CTBP2: variants seen among roughly 807,000 people sequenced by gnomAD.
The protein encoded by CTBP2 is C-terminal binding protein 2.
CTBP2 carries 30 observed loss-of-function variants against 80.3 expected under a neutral mutation model. The observed-to-expected ratio is 0.37, with a 90% CI of 0.28 to 0.51. The LOEUF (loss-of-function observed/expected upper bound fraction) is 0.51. CTBP2 is among the 20% of genes least tolerant of loss of function. The pLI is 0.93. For missense variants in CTBP2, 1,212 were observed against 1,375.3 expected (o/e 0.88, Z 1.88); for synonymous variants, 594 against 587.4 (o/e 1.01, Z -0.16).
At position 125,026,905 on chromosome 10, in the gene CTBP2, G is replaced by T. The variant is rs542054569; in HGVS notation, c.855C>A (p.Gly285=). 6.2e-7 allele frequency: 1 copy of T among 1,613,904 alleles called. No individual in the cohort carries two copies. The highest frequency in any genetic ancestry group is 1.3e-5 in the African/African-American group (1 of 74,932). ...GGAACTCAGGGAGCACGGTCCTCTTGCCACCAGGACCCTGGAAGGTGGACA... is the reference window on the plus strand; with the variant it reads ...GGAACTCAGGGAGCACGGTCCTCTTTCCACCAGGACCCTGGAAGGTGGACA... The change falls in exon 1 of 9, where the codon GGC becomes GGA. Residue 285 remains glycine, a synonymous_variant. Transcript: ENST00000309035.
intron 2 of CTBP2, among the ~76,000 whole-genome samples, chr10:125,069,898 C>T (rs542876762): frequency 7.2e-6 from 1 of 138,356 alleles, no homozygotes; most frequent in East Asian, 2.1e-4. Context: ...CCCCCCCCCA[C>T]ACAAACCCCA....
At chr10:125,060,902 G>C (rs1239369939) in intron 2 of CTBP2, among the ~76,000 whole-genome samples, 1 of 152,192 alleles carries the variant, frequency 6.6e-6, no homozygotes, top group Non-Finnish European at 1.5e-5. Context: ...GGTGCAAAGG[G>C]AGGAAAGAGC....
upstream of CTBP2, among the ~76,000 whole-genome samples, chr10:125,029,466 G>A (rs1179529499): frequency 1.3e-5 from 2 of 151,908 alleles, no homozygotes; most frequent in African/African-American, 4.8e-5. Context: ...CACCATGTTG[G>A]CCAGACTGGT....
chr10:125,057,149 G>C (rs1321788660), intron 2 of CTBP2, among the ~76,000 whole-genome samples: 1 of 152,192 alleles, frequency 6.6e-6, no homozygotes, highest in Non-Finnish European at 1.5e-5. Flanking sequence ...CCCAGGAAGG[G>C]TTAAACGGAT....
intron 1 of CTBP2, chr10:125,138,125 A>C (rs1041657311): frequency 1.3e-5 from 2 of 152,234 alleles, no homozygotes; most frequent in Admixed American, 1.3e-4. Context: ...ACATGAGGAA[A>C]CAAAGTCCAG....
chr10:125,101,307 G>C (rs1488100477), intron 2 of CTBP2, among the ~76,000 whole-genome samples: 1 of 152,208 alleles, frequency 6.6e-6, no homozygotes. Context: ...CTGGCCTCAG[G>C]CTCTTTGGTC....
Position 125,108,930 on chromosome 10 carries a change from G to GT in CTBP2, c.-102+2059dup, listed in dbSNP as rs747155144. On this transcript the variant is annotated intron_variant, in intron 2 of 10. Coordinates refer to the CTBP2 transcript ENST00000337195. ...GGAATGGTGGGAACCCCACATAAGGGTAAGTGTCTTGAGTCTGCTTAGCAC... is the reference window on the plus strand; with the variant it reads ...GGAATGGTGGGAACCCCACATAAGGGTTAAGTGTCTTGAGTCTGCTTAGCAC... Among the ~76,000 whole-genome samples, 4 of 152,254 alleles carry GT rather than the reference G, an allele frequency of 2.6e-5. No homozygotes were observed. The East Asian group carries it at 7.7e-4, about 29-fold the overall frequency.
At chr10:125,061,723 C>T (rs1177877266) in intron 2 of CTBP2, among the ~76,000 whole-genome samples, 1 of 152,170 alleles carries the variant, frequency 6.6e-6, no homozygotes, top group Non-Finnish European at 1.5e-5. Flanking sequence ...TGTGAGCTGG[C>T]CTGCATTCCT....
chr10:125,067,073 T>C (rs966493428), intron 2 of CTBP2, among the ~76,000 whole-genome samples: 3 of 152,210 alleles, frequency 2.0e-5, no homozygotes, highest in Non-Finnish European at 4.4e-5. Context: ...CGATTCATTA[T>C]TGGCCGGCAA....
intron 1 of CTBP2, among the ~76,000 whole-genome samples, chr10:125,017,104 G>C (rs889339492): frequency 6.6e-6 from 1 of 152,182 alleles, no homozygotes; most frequent in Admixed American, 6.5e-5. Context: ...GAACCCCGGG[G>C]GAAGTCAGCG....
chr10:125,005,166 G>C (rs11818315), intron 1 of CTBP2, among the ~76,000 whole-genome samples: 58 of 152,360 alleles, frequency 3.8e-4, no homozygotes, highest in African/African-American at 1.4e-3. Flanking sequence ...GGAAGGCCGT[G>C]CTCGGCCAGT....
At chr10:125,086,658 C>T (rs1432151380) in intron 2 of CTBP2, among the ~76,000 whole-genome samples, 3 of 150,260 alleles carry the variant, frequency 2.0e-5, no homozygotes, top group Admixed American at 6.6e-5. Context: ...TTTGACCCTT[C>T]CACATAGCGA....
At chr10:125,125,936 A>G (rs942588237) in intron 1 of CTBP2, among the ~76,000 whole-genome samples, 1 of 152,260 alleles carries the variant, frequency 6.6e-6, no homozygotes, top group Admixed American at 6.5e-5. Flanking sequence ...GGGTGATGCT[A>G]AGAACATCGG....
chr10:124,992,991 C>A (rs1004580931), intron 7 of CTBP2, among the ~76,000 whole-genome samples, 179 bp from the exon 10 acceptor site: 1 of 152,186 alleles, frequency 6.6e-6, no homozygotes, highest in Admixed American at 6.5e-5. Context: ...CCCCGACCCC[C>A]GAGTTTATAA....
In CTBP2 at chr10:125,003,334, C is replaced by T; in HGVS notation, c.1833+4G>A. 6.2e-7 allele frequency: 1 copy of T among 1,607,466 alleles called. No homozygotes were observed. Among genetic ancestry groups the T allele is most frequent in the Non-Finnish European group, 8.5e-7 (1 of 1,178,746 alleles). ...CAGGCCCCGGCCGGGCAGGGTGGGC[C>T]CACCTTCTCGTGGATTTCCTGCGTC... On this transcript the variant is annotated splice_donor_region_variant and intron_variant, in intron 2 of 8. Coordinates refer to ENST00000309035, the MANE Select transcript of CTBP2 (RefSeq NM_022802.3).
chr10:125,156,809 C>A (rs1565068779), intron 1 of CTBP2, among the ~76,000 whole-genome samples: 1 of 152,152 alleles, frequency 6.6e-6, no homozygotes, highest in Admixed American at 6.5e-5. Context: ...ATTTTCCAGA[C>A]TTAAAAAGTA....
intron 2 of CTBP2, among the ~76,000 whole-genome samples, chr10:125,081,497 G>A (rs1387844177): frequency 6.6e-6 from 1 of 152,154 alleles, no homozygotes; most frequent in African/African-American, 2.4e-5. Context: ...AAATATCTCA[G>A]AGGGATCTGA....
intron 1 of CTBP2, among the ~76,000 whole-genome samples, chr10:125,023,064 G>A (rs7073257): frequency 0.22 from 34,191 of 152,080 alleles, 4,112 homozygotes; most frequent in Middle Eastern, 0.27. Flanking sequence ...ACCAGCTCTG[G>A]TGACAGGTAA....
chr10:125,139,559 CCT>C (rs1420524262), intron 1 of CTBP2, among the ~76,000 whole-genome samples: 5 of 151,976 alleles, frequency 3.3e-5, no homozygotes, highest in East Asian at 1.9e-4. Flanking sequence ...TTCATTAGCC[CCT>C]GTTTTTTGGA....
Sources: allele counts gnomAD v4.1 joint callset (sites outside exome capture counted in the v4.1 genomes callset), GRCh38; gene constraint gnomAD v4.1.1; transcripts MANE v1.5; gene names NCBI Gene and HGNC (gene_info 2026-07-23, HGNC 2026-07-21).